Variants in NEURL1B observed in about 807,000 individuals in gnomAD.
NEURL1B encodes the protein E3 ubiquitin-protein ligase NEURL1B.
A neutral mutation model predicts 37.4 loss-of-function variants in NEURL1B; 13 were observed. That is an observed-to-expected ratio of 0.35 (90% CI 0.23 to 0.55). The LOEUF (loss-of-function observed/expected upper bound fraction) is 0.55, where lower values mean the gene tolerates loss of function less well. Among genes scored for constraint, NEURL1B ranks in the 20% least tolerant of loss-of-function variants. The pLI is 0.89. For missense variants in NEURL1B, 790 were observed against 879.2 expected, an observed-to-expected ratio of 0.90 and a Z score of 1.28; for synonymous variants, 432 against 426.6, an observed-to-expected ratio of 1.01 and a Z score of -0.16.
rs1259931988 is a variant in NEURL1B at position 172,688,064 on chromosome 5, G to A, written c.*1139G>A. 6.5e-5 allele frequency: 10 copies of A among 152,698 alleles called. No individual in the cohort carries two copies. The highest frequency in any genetic ancestry group is 1.0e-4 in the Non-Finnish European group (7 of 68,068). 9.5% of individuals were successfully genotyped at this position (152,698 alleles called of 1,614,324 possible). A position where few individuals can be genotyped will look rare whatever the true frequency, so the allele number is the denominator to read the frequency against. On this transcript the variant is annotated 3_prime_UTR_variant, in exon 5 of 5. Transcript: ENST00000369800. The surrounding 1 kb of genome is among the most constrained non-coding windows in gnomAD (Gnocchi z 4.3). ...GACAGTAACGAAAAATGCTGGCACT[G>A]GGATTCTCTCCCTTCCCAGACCTAC... is the stretch of plus-strand genomic sequence containing the variant.
In NEURL1B at chr5:172,647,686, A is replaced by G. The variant is rs1403603013; in HGVS notation, c.31+6249A>G. On this transcript the variant is annotated intron_variant, in intron 1 of 4. Coordinates refer to ENST00000369800, the MANE Select transcript of NEURL1B (RefSeq NM_001142651.3). This position sits in a 1 kb window ranked among gnomAD's most constrained non-coding sequence, Gnocchi z 4.2. The stretch of plus-strand genomic sequence containing the variant: ...CTTCTGTCCACAGCCGCCAAAATGA[A>G]GCTGTGCCTAGAGAAGCCCCCTGCC... 6.6e-6 allele frequency among the ~76,000 whole-genome samples: 1 copy of G among 152,070 alleles called. No individual in the cohort carries two copies. The highest frequency in any genetic ancestry group is 1.5e-5 in the Non-Finnish European group (1 of 68,014).
At chr5:172,677,903 C>A (rs1758270292) in intron 2 of NEURL1B, among the ~76,000 whole-genome samples, 1 of 152,190 alleles carries the variant, frequency 6.6e-6, no homozygotes, top group South Asian at 2.1e-4. Context: ...TTCTTAAGTG[C>A]TGGTTATGCC....
At chr5:172,672,491 G>A (rs1052238872) in intron 2 of NEURL1B, among the ~76,000 whole-genome samples, 2 of 151,758 alleles carry the variant, frequency 1.3e-5, no homozygotes, top group African/African-American at 4.8e-5. Context: ...CAAATTGGAA[G>A]CAGCCTTTGA....
chr5:172,668,885 G>A (rs1036340828), intron 1 of NEURL1B, among the ~76,000 whole-genome samples: 2 of 152,144 alleles, frequency 1.3e-5, no homozygotes, highest in Non-Finnish European at 2.9e-5. Flanking sequence ...GAAAGACCAC[G>A]CCGGGATTCC....
Position 172,683,938 on chromosome 5 carries a change from A to G in NEURL1B, c.1097A>G (p.Lys366Arg). ...PADPDALLDR[K>R]EYWVVARAGP... ...GACCCAGACGCGCTGCTCGACCGCAAAGAGTACTGGGTGGTGGCGCGCGCC... is the reference window on the plus strand; with the variant it reads ...GACCCAGACGCGCTGCTCGACCGCAGAGAGTACTGGGTGGTGGCGCGCGCC... The change falls in exon 3 of 5, where the codon AAA (lysine) becomes AGA (arginine). Residue 366 changes from lysine to arginine, a missense_variant. Lys to Arg is a conservative substitution (Grantham distance 26). This residue lies in a region of NEURL1B where 460 missense variants were observed against 407.4 expected (regional missense o/e 1.13). Coordinates refer to ENST00000369800, the MANE Select transcript of NEURL1B (RefSeq NM_001142651.3). This position sits in a 1 kb window ranked among gnomAD's most constrained non-coding sequence, Gnocchi z 5.6. 7.1e-7 allele frequency: 1 copy of G among 1,403,906 alleles called. No individual in the cohort carries two copies. Among genetic ancestry groups the G allele is most frequent in the Non-Finnish European group, 9.3e-7 (1 of 1,073,460 alleles). 87.0% of individuals were successfully genotyped at this position (1,403,906 alleles called of 1,614,324 possible).
chr5:172,663,757 G>A (rs1022727504), intron 1 of NEURL1B, among the ~76,000 whole-genome samples: 1 of 151,538 alleles, frequency 6.6e-6, no homozygotes, highest in Non-Finnish European at 1.5e-5. Context: ...GTCTTTCATG[G>A]GAGGATGGCC....
chr5:172,681,382 G>GA (rs1373499532), intron 2 of NEURL1B, among the ~76,000 whole-genome samples: 3 of 152,142 alleles, frequency 2.0e-5, no homozygotes, highest in Admixed American at 2.0e-4. Context: ...TAAATAAAAT[G>GA]ATACAGACAG....
intron 2 of NEURL1B, among the ~76,000 whole-genome samples, chr5:172,682,353 T>C (rs1315606846): frequency 6.6e-6 from 1 of 152,208 alleles, no homozygotes. Flanking sequence ...GGTGGGCAGA[T>C]CACTTGAGGT....
chr5:172,656,707 C>T (rs571109419), intron 1 of NEURL1B: 119 of 1,288,776 alleles, frequency 9.2e-5, no homozygotes, highest in Middle Eastern at 4.6e-4. Context: ...CCTTCGCGGC[C>T]GGACATGGCG....
intron 1 of NEURL1B, among the ~76,000 whole-genome samples, chr5:172,649,879 C>G (rs535853620): frequency 6.6e-6 from 1 of 152,252 alleles, no homozygotes; most frequent in Non-Finnish European, 1.5e-5. Context: ...GGACCACAGA[C>G]CCAGCAAACT....
intron 2 of NEURL1B, among the ~76,000 whole-genome samples, chr5:172,681,823 G>C (rs1008175234): frequency 2.6e-5 from 4 of 152,234 alleles, no homozygotes; most frequent in Non-Finnish European, 4.4e-5. Flanking sequence ...AGACACTATA[G>C]AATGGTAACA....
intron 2 of NEURL1B, among the ~76,000 whole-genome samples, chr5:172,677,321 G>A (rs905918442): frequency 1.3e-5 from 2 of 152,128 alleles, no homozygotes; most frequent in East Asian, 1.9e-4. Flanking sequence ...CTGCATGGCC[G>A]CCAGCCTGTC....
At chr5:172,659,046 C>CCCG (rs1554097753) in intron 1 of NEURL1B, among the ~76,000 whole-genome samples, 22 of 135,724 alleles carry the variant, frequency 1.6e-4, no homozygotes, top group African/African-American at 6.1e-4. Flanking sequence ...CCCCCCCCCC[C>CCCG]CAAAGCTTCC....
intron 1 of NEURL1B, among the ~76,000 whole-genome samples, chr5:172,649,231 G>C (rs1757614876): frequency 6.6e-6 from 1 of 152,010 alleles, no homozygotes; most frequent in African/African-American, 2.4e-5. Flanking sequence ...AGAGGCCCTG[G>C]AGTATCCAAT....
In NEURL1B at chr5:172,670,334, G is replaced by A; in HGVS notation, c.577+4G>A. ...ACCGACGAGGTGCAGCTTCTGGGTA[G>A]GTCGCGGGCGCGGCGCCCCCTGGGG... On this transcript the variant is annotated splice_donor_region_variant and intron_variant, in intron 2 of 4. Coordinates refer to ENST00000369800, the MANE Select transcript of NEURL1B (RefSeq NM_001142651.3). The A allele has an allele frequency of 7.4e-7, 1 of 1,351,086 alleles. No homozygotes were observed. The highest frequency in any genetic ancestry group is 9.5e-7 in the Non-Finnish European group (1 of 1,055,048). 83.7% of individuals were successfully genotyped at this position (1,351,086 alleles called of 1,614,324 possible). A position where few individuals can be genotyped will look rare whatever the true frequency, so the allele number is the denominator to read the frequency against.
Position 172,679,448 on chromosome 5 carries a change from G to A in NEURL1B, c.578-3971G>A, listed in dbSNP as rs534769849. On this transcript the variant is annotated intron_variant, in intron 2 of 4. Coordinates refer to ENST00000369800, the MANE Select transcript of NEURL1B (RefSeq NM_001142651.3). ...GGTAGAAGCTGGGCAGTCTCGACAC[G>A]CTCCCTCGGTGCCTCTTGATGTTGC... Among the ~76,000 whole-genome samples, 9 of 152,342 alleles carry A rather than the reference G, an allele frequency of 5.9e-5. No individual in the cohort carries two copies. The East Asian group carries it at 7.7e-4, about 13-fold the overall frequency.
rs1758650621 is a variant in NEURL1B at position 172,691,185 on chromosome 5, G to A, written c.*4260G>A. 6.6e-6 allele frequency: 1 copy of A among 152,222 alleles called. No individual in the cohort carries two copies. Among genetic ancestry groups the A allele is most frequent in the Non-Finnish European group, 1.5e-5 (1 of 68,048 alleles). 9.4% of individuals were successfully genotyped at this position (152,222 alleles called of 1,614,324 possible). On this transcript the variant is annotated 3_prime_UTR_variant, in exon 5 of 5. Transcript: ENST00000369800. Reference sequence around the variant, plus strand: ...ATGGGGAGGGGGGCTAGCATACGTGGTAGGGTTCTAGAAATCTGTGGTCAT... The same window carrying A: ...ATGGGGAGGGGGGCTAGCATACGTGATAGGGTTCTAGAAATCTGTGGTCAT...
At chr5:172,646,870 G>C (rs904782327) in intron 1 of NEURL1B, among the ~76,000 whole-genome samples, 47 of 151,960 alleles carry the variant, frequency 3.1e-4, no homozygotes, top group African/African-American at 1.1e-3. Flanking sequence ...GCACAGGTGT[G>C]GGGGGCTGTG....
chr5:172,641,303 C>G lies in NEURL1B; in HGVS notation c.-104C>G, dbSNP rs1757453379. 9.4e-7 allele frequency: 1 copy of G among 1,058,874 alleles called. No homozygotes were observed. The highest frequency in any genetic ancestry group is 1.2e-6 in the Non-Finnish European group (1 of 834,468). 65.6% of individuals were successfully genotyped at this position (1,058,874 alleles called of 1,614,324 possible). A position where few individuals can be genotyped will look rare whatever the true frequency, so the allele number is the denominator to read the frequency against. On this transcript the variant is annotated 5_prime_UTR_variant, in exon 1 of 5. Coordinates refer to ENST00000369800, the MANE Select transcript of NEURL1B (RefSeq NM_001142651.3). The surrounding 1 kb of genome is among the most constrained non-coding windows in gnomAD (Gnocchi z 6.4). ...GCCCGCCGGCTCGCCCGTGCAGCTGCGATGCCCCGGAGCGTCGACCCCGGT... is the reference window on the plus strand; with the variant it reads ...GCCCGCCGGCTCGCCCGTGCAGCTGGGATGCCCCGGAGCGTCGACCCCGGT...
Sources: gnomAD v4.1 joint callset for allele counts (sites outside exome capture counted in the v4.1 genomes callset) on GRCh38, gnomAD v4.1.1 for gene constraint, gnomAD v4.1.1 regional missense constraint, Gnocchi (gnomAD v3.1) non-coding constraint, MANE v1.5 for transcripts, NCBI Gene and HGNC (gene_info 2026-07-23, HGNC 2026-07-21) for gene names.